The following EXOC6 variants were observed in gnomAD, a reference collection of about 807,000 sequenced individuals.
EXOC6 encodes the protein SEC15-like 1.
In EXOC6, 60 loss-of-function variants were observed where a neutral mutation model predicts 112.5. The ratio of observed to expected loss-of-function variants is 0.53; its 90% CI spans 0.43 to 0.66. The LOEUF is 0.66. Ranked by LOEUF, EXOC6 falls within the 30% of genes least tolerant of loss-of-function variation. EXOC6 has a pLI of 0.00. For missense variants in EXOC6, 855 were observed against 957.1 expected (o/e 0.89, Z 1.41); for synonymous variants, 295 against 308.0 (o/e 0.96, Z 0.44).
At chr10:93,021,534 A>G (rs879457461) in intron 20 of EXOC6, among the ~76,000 whole-genome samples, 1 of 152,224 alleles carries the variant, frequency 6.6e-6, no homozygotes, top group Non-Finnish European at 1.5e-5. Context: ...CCGGTTTACC[A>G]GAAGAGATTC....
chr10:92,843,157 C>T (rs1042791182), intron 1 of EXOC6, among the ~76,000 whole-genome samples: 6 of 152,206 alleles, frequency 3.9e-5, no homozygotes, highest in African/African-American at 1.4e-4. Flanking sequence ...CTATTGTTCT[C>T]CACCGTGGGG....
intron 18 of EXOC6, among the ~76,000 whole-genome samples, chr10:92,996,746 A>G (rs1843512231): frequency 6.6e-6 from 1 of 152,220 alleles, no homozygotes; most frequent in Non-Finnish European, 1.5e-5. Context: ...GAGTTTTAGG[A>G]GATTATTATA....
Position 92,950,958 on chromosome 10 carries a change from A to C in EXOC6, c.1417-1315A>C, listed in dbSNP as rs190630149. 1.1e-3 allele frequency among the ~76,000 whole-genome samples: 166 copies of C among 152,254 alleles called. 1 individual carries two copies. Among genetic ancestry groups the C allele is most frequent in the African/African-American group, 3.8e-3 (158 of 41,546 alleles). On this transcript the variant is annotated intron_variant, in intron 14 of 21. Transcript: ENST00000260762. ...TTGAAGCTGATTTGAGATGCTTAGG[A>C]GGTAGGAGCAACAGGAGTTGCTGAT...
Position 93,027,928 on chromosome 10 carries a change from T to G in EXOC6, c.2169+13661T>G, listed in dbSNP as rs531667177. Reference sequence around the variant, plus strand: ...ACATTTTGAAAGGCTACAGCTACCATAGAATAGTTCCTCTGATGGGTCTGG... The same window carrying G: ...ACATTTTGAAAGGCTACAGCTACCAGAGAATAGTTCCTCTGATGGGTCTGG... On this transcript the variant is annotated intron_variant, in intron 20 of 21. Coordinates refer to ENST00000260762, the MANE Select transcript of EXOC6 (RefSeq NM_019053.6). 7.2e-5 allele frequency among the ~76,000 whole-genome samples: 11 copies of G among 152,296 alleles called. No homozygotes were observed. In the East Asian group the frequency reaches 9.6e-4, roughly 13 times the overall value.
At chr10:93,053,417 T>G (rs532164344) in intron 20 of EXOC6, among the ~76,000 whole-genome samples, 33 of 152,246 alleles carry the variant, frequency 2.2e-4, no homozygotes, top group Admixed American at 7.2e-4. Flanking sequence ...ATAATTGTTA[T>G]GCGTGAAGGA....
chr10:92,947,003 T>C (rs934989469), intron 13 of EXOC6, among the ~76,000 whole-genome samples: 1 of 152,242 alleles, frequency 6.6e-6, no homozygotes, highest in African/African-American at 2.4e-5. Context: ...ATTAGATTTC[T>C]TGTGTTTATT....
At chr10:92,892,103 T>G (rs1849531921) in intron 1 of EXOC6, among the ~76,000 whole-genome samples, 2 of 151,960 alleles carry the variant, frequency 1.3e-5, no homozygotes, top group Non-Finnish European at 2.9e-5. Flanking sequence ...GGATGTGGGG[T>G]GAGGTTTGGA....
chr10:92,940,242 G>A (rs1310214438), intron 12 of EXOC6, among the ~76,000 whole-genome samples: 1 of 152,004 alleles, frequency 6.6e-6, no homozygotes, highest in Non-Finnish European at 1.5e-5. Flanking sequence ...GTTTGGAGTC[G>A]GAAAGAATAA....
chr10:92,980,898 G>A lies in EXOC6; in HGVS notation c.1953+6666G>A, dbSNP rs1002447098. Among the ~76,000 whole-genome samples, 3 of 152,062 alleles carry A rather than the reference G, an allele frequency of 2.0e-5. 1 individual carries two copies. Among genetic ancestry groups the A allele is most frequent in the South Asian group, 2.1e-4 (1 of 4,826 alleles). ...TTGTTTTAGCTGGGCATGGTGGCGGGCACCTGTAATTCCAGCTACTCGGGA... is the reference window on the plus strand; with the variant it reads ...TTGTTTTAGCTGGGCATGGTGGCGGACACCTGTAATTCCAGCTACTCGGGA... On this transcript the variant is annotated intron_variant, in intron 18 of 21. Transcript: ENST00000260762.
At chr10:93,006,716 T>G (rs1421425136) in intron 19 of EXOC6, among the ~76,000 whole-genome samples, 1 of 152,188 alleles carries the variant, frequency 6.6e-6, no homozygotes, top group Admixed American at 6.5e-5. Context: ...AATAACAAAG[T>G]TTGTTAAACA....
chr10:92,882,279 C>T (rs1011036315), intron 1 of EXOC6, among the ~76,000 whole-genome samples: 9 of 151,944 alleles, frequency 5.9e-5, no homozygotes, highest in East Asian at 3.9e-4. Context: ...CACAGTGGCT[C>T]ACGGCTGTAA....
intron 20 of EXOC6, among the ~76,000 whole-genome samples, chr10:93,052,281 A>G (rs1170898789): frequency 6.6e-6 from 1 of 152,252 alleles, no homozygotes; most frequent in Admixed American, 6.5e-5. Flanking sequence ...ACAGGTCTGA[A>G]ACCCCAAGTT....
intron 20 of EXOC6, among the ~76,000 whole-genome samples, chr10:93,051,783 T>C (rs972769278): frequency 6.6e-6 from 1 of 152,212 alleles, no homozygotes; most frequent in African/African-American, 2.4e-5. Flanking sequence ...ATTTCTTCCT[T>C]GAAGCAGTAC....
intron 5 of EXOC6, among the ~76,000 whole-genome samples, chr10:92,904,448 C>T (rs1047549565): frequency 2.6e-5 from 4 of 152,084 alleles, no homozygotes; most frequent in Admixed American, 2.0e-4. Context: ...TGCTCCACAT[C>T]CTCCACAGGA....
At chr10:92,856,337 G>A (rs1289683785) in intron 1 of EXOC6, among the ~76,000 whole-genome samples, 1 of 151,936 alleles carries the variant, frequency 6.6e-6, no homozygotes, top group Non-Finnish European at 1.5e-5. Context: ...GGTTTTTACA[G>A]CTATAAATTT....
chr10:92,872,189 T>C (rs1848483831), intron 1 of EXOC6, among the ~76,000 whole-genome samples: 1 of 152,150 alleles, frequency 6.6e-6, no homozygotes, highest in African/African-American at 2.4e-5. Flanking sequence ...CATGTTCTGA[T>C]ATATCTTCCT....
chr10:92,944,478 C>G (rs191128677), intron 13 of EXOC6, among the ~76,000 whole-genome samples: 1 of 152,082 alleles, frequency 6.6e-6, no homozygotes, highest in Non-Finnish European at 1.5e-5. Context: ...TCAAGTGATC[C>G]GCCTGCCTTG....
At chr10:92,899,753 T>C (rs774217075) in intron 5 of EXOC6, 109 bp downstream of exon 5, 31 of 778,984 alleles carry the variant, frequency 4.0e-5, no homozygotes, top group Non-Finnish European at 5.9e-5. Context: ...GCTTTCTTCA[T>C]TACACTAACC....
chr10:92,981,661 T>C (rs897484878), intron 18 of EXOC6, among the ~76,000 whole-genome samples: 4 of 152,236 alleles, frequency 2.6e-5, no homozygotes, highest in Admixed American at 2.0e-4. Flanking sequence ...TTAATTTTGC[T>C]ACTACTCTGG....
Sources: gnomAD v4.1 joint callset for allele counts (sites outside exome capture counted in the v4.1 genomes callset) on GRCh38, gnomAD v4.1.1 for gene constraint, MANE v1.5 for transcripts, NCBI Gene and HGNC (gene_info 2026-07-23, HGNC 2026-07-21) for gene names.